Variants in TACC1 observed in about 807,000 individuals in gnomAD.
The protein encoded by TACC1 is transforming acidic coiled-coil-containing protein 1.
In TACC1, 48 loss-of-function variants were observed where a neutral mutation model predicts 84.4. The ratio of observed to expected loss-of-function variants is 0.57; its 90% CI spans 0.45 to 0.72. The LOEUF is 0.72. TACC1 is among the 30% of genes least tolerant of loss of function. TACC1 has a pLI of 0.00. For missense variants in TACC1, 920 were observed against 973.0 expected (o/e 0.95, Z 0.72); for synonymous variants, 372 against 376.3 (o/e 0.99, Z 0.13).
At chr8:38,740,339 C>A (rs924064911) in intron 1 of TACC1, among the ~76,000 whole-genome samples, 1 of 152,170 alleles carries the variant, frequency 6.6e-6, no homozygotes, top group African/African-American at 2.4e-5. Flanking sequence ...CATTAATTAT[C>A]TTATGCTCTG....
At chr8:38,793,045 T>C (rs1819118636) in intron 2 of TACC1, among the ~76,000 whole-genome samples, 1 of 152,176 alleles carries the variant, frequency 6.6e-6, no homozygotes, top group Non-Finnish European at 1.5e-5. Context: ...ACACACACCT[T>C]TATCTACAGA....
intron 3 of TACC1, among the ~76,000 whole-genome samples, chr8:38,772,341 C>T (rs1813804826): frequency 6.6e-6 from 1 of 152,246 alleles, no homozygotes; most frequent in Non-Finnish European, 1.5e-5. Context: ...ACACTACAAT[C>T]TCACTTCTAG....
chr8:38,842,820 T>C (rs1456898945), intron 10 of TACC1, among the ~76,000 whole-genome samples: 1 of 152,260 alleles, frequency 6.6e-6, no homozygotes, highest in Admixed American at 6.5e-5. Context: ...TAGAAGGAAT[T>C]CCATGTCTCT....
intron 6 of TACC1, among the ~76,000 whole-genome samples, chr8:38,832,692 A>G (rs1043230051): frequency 1.3e-5 from 2 of 152,186 alleles, no homozygotes; most frequent in Admixed American, 6.5e-5. Flanking sequence ...GTTCCACAGC[A>G]TTTTTCACGT....
intron 3 of TACC1, among the ~76,000 whole-genome samples, chr8:38,824,393 T>G (rs1259441642): frequency 1.3e-5 from 2 of 152,146 alleles, no homozygotes; most frequent in Admixed American, 6.5e-5. Context: ...ATAAAGCTAC[T>G]GGCTTGGAAC....
chr8:38,773,346 A>T (rs751934215), intron 3 of TACC1, among the ~76,000 whole-genome samples: 7 of 150,670 alleles, frequency 4.6e-5, no homozygotes, highest in Non-Finnish European at 1.0e-4. Flanking sequence ...CATTATTTTA[A>T]ATATTGACAT....
chr8:38,844,697 C>T (rs534700831), intron 11 of TACC1, among the ~76,000 whole-genome samples: 3 of 152,158 alleles, frequency 2.0e-5, no homozygotes, highest in Non-Finnish European at 2.9e-5. Context: ...TTGTCTTTTG[C>T]GTCCACCTAT....
chr8:38,838,436 A>C (rs749098578), intron 7 of TACC1, 34 bp from the exon 8 acceptor site: 10 of 1,521,688 alleles, frequency 6.6e-6, no homozygotes, highest in Non-Finnish European at 7.3e-6. Flanking sequence ...AAATTGTAAT[A>C]GATTGGGTAA....
At chr8:38,826,839 G>A (rs1368921108) in intron 4 of TACC1, among the ~76,000 whole-genome samples, 1 of 151,856 alleles carries the variant, frequency 6.6e-6, no homozygotes, top group African/African-American at 2.4e-5. Context: ...AATGCAATGG[G>A]GGACATAGAT....
intron 1 of TACC1, among the ~76,000 whole-genome samples, chr8:38,732,432 C>CA (rs76146789): frequency 9.3e-5 from 14 of 149,864 alleles, no homozygotes; most frequent in South Asian, 4.2e-4. Context: ...ACAACAACAA[C>CA]AAAAAAAAAC....
At chr8:38,757,574 G>A (rs1414597243) in intron 3 of TACC1, among the ~76,000 whole-genome samples, 2 of 151,678 alleles carry the variant, frequency 1.3e-5, no homozygotes, top group African/African-American at 4.8e-5. Context: ...TGGCCAGCAG[G>A]GCCCCAGGGG....
exon 3 of TACC1, chr8:38,745,231 G>C (rs569229985): frequency 2.1e-5 from 9 of 419,602 alleles, no homozygotes; most frequent in Non-Finnish European, 3.8e-5. Flanking sequence ...ACAAAGATCT[G>C]CACTCAGAGT....
At chr8:38,845,050 G>C (rs112749143) in intron 11 of TACC1, 1 of 152,112 alleles carries the variant, frequency 6.6e-6, no homozygotes, top group Non-Finnish European at 1.5e-5. Flanking sequence ...TCAGCCTTCC[G>C]AGCAGCTGGG....
At chr8:38,783,076 ATCTATCTATCTATCTATCTATC>A (rs1816367129), upstream of TACC1, among the ~76,000 whole-genome samples, 3 of 96,066 alleles carry the variant, frequency 3.1e-5, no homozygotes, top group African/African-American at 1.6e-4. Context: ...ATATCTATCT[ATCTATCTATCTATCTATCTATC>A]TATCTATCTA....
intron 2 of TACC1, chr8:38,799,531 G>A (rs897133472): frequency 6.6e-6 from 1 of 152,220 alleles, no homozygotes; most frequent in African/African-American, 2.4e-5. Flanking sequence ...GGGAATTTGT[G>A]AGGGAAGAAA....
At chr8:38,774,656 C>CTAATTTT (rs1025866817) in intron 3 of TACC1, among the ~76,000 whole-genome samples, 1 of 152,078 alleles carries the variant, frequency 6.6e-6, no homozygotes, top group African/African-American at 2.4e-5. Flanking sequence ...CCACACCAGG[C>CTAATTTT]TAATTTTTTT....
At chr8:38,742,588 A>G (rs1438938991) in intron 2 of TACC1, 1 of 656,788 alleles carries the variant, frequency 1.5e-6, no homozygotes, top group Non-Finnish European at 2.5e-6. Flanking sequence ...GATCGAGGAA[A>G]GAACAAAGAA....
intron 3 of TACC1, among the ~76,000 whole-genome samples, chr8:38,755,659 G>A (rs1327181991): frequency 2.6e-5 from 4 of 151,204 alleles, no homozygotes; most frequent in Non-Finnish European, 5.9e-5. Context: ...AGCTTTGATC[G>A]CACCACGGCA....
chr8:38,816,996 T>C (rs889013142), intron 2 of TACC1, among the ~76,000 whole-genome samples: 9 of 152,166 alleles, frequency 5.9e-5, no homozygotes, highest in African/African-American at 1.9e-4. Flanking sequence ...CACCCAGTCA[T>C]TCATTAACAC....
Sources: gnomAD v4.1 joint callset for allele counts (sites outside exome capture counted in the v4.1 genomes callset) on GRCh38, gnomAD v4.1.1 for gene constraint, MANE v1.5 for transcripts, NCBI Gene and HGNC (gene_info 2026-07-23, HGNC 2026-07-21) for gene names.